ABCC11: variants seen among roughly 807,000 people sequenced by gnomAD.
ABCC11 encodes ATP binding cassette subfamily C member 11, also known as ATP-binding cassette sub-family C member 11.
In ABCC11, 135 loss-of-function variants were observed where a neutral mutation model predicts 149.3. The observed-to-expected ratio is 0.90, with a 90% confidence interval of 0.79 to 1.04. The LOEUF is 1.04. ABCC11 is among the 50% of genes least tolerant of loss of function. The pLI is 0.00. For synonymous variants in ABCC11, 665 were observed against 671.4 expected, an observed-to-expected ratio of 0.99 and a Z score of 0.15; for missense variants, 1,680 against 1,722.1, an observed-to-expected ratio of 0.98 and a Z score of 0.43.
intron 4 of ABCC11, among the ~76,000 whole-genome samples, chr16:48,226,271 CTT>C (rs34235862): frequency 4.2e-5 from 5 of 119,504 alleles, no homozygotes; most frequent in African/African-American, 9.4e-5. Context: ...TTATGATCCA[CTT>C]TTTTTTTTTT....
At chr16:48,171,004 C>T in intron 26 of ABCC11, 37 bp from the exon 27 acceptor site, 1 of 1,529,366 alleles carries the variant, frequency 6.5e-7, no homozygotes, top group Non-Finnish European at 9.1e-7. Flanking sequence ...TCAACAACAT[C>T]ACCCAGGCTT....
intron 24 of ABCC11, 99 bp from the exon 25 acceptor site, chr16:48,177,212 C>T: frequency 4.1e-6 from 5 of 1,233,394 alleles, no homozygotes; most frequent in Non-Finnish European, 5.6e-6. Flanking sequence ...GTGTGACCCA[C>T]CCCAGCCTGC....
intron 24 of ABCC11, among the ~76,000 whole-genome samples, chr16:48,177,558 G>A (rs940392681): frequency 1.3e-5 from 2 of 152,186 alleles, no homozygotes; most frequent in African/African-American, 4.8e-5. Context: ...AACAACTTAA[G>A]ATCAACAACT....
At chr16:48,184,732 C>A in intron 22 of ABCC11, 106 bp from the exon 23 acceptor site, 1 of 1,164,404 alleles carries the variant, frequency 8.6e-7, no homozygotes, top group South Asian at 1.6e-5. Context: ...TTCCCCACTC[C>A]CAGCAGCAGG....
At chr16:48,191,955 A>G (rs1010560027) in intron 20 of ABCC11, among the ~76,000 whole-genome samples, 6 of 152,164 alleles carry the variant, frequency 3.9e-5, no homozygotes, top group African/African-American at 1.4e-4. Flanking sequence ...GTGCACATGT[A>G]CCCTAAAACT....
chr16:48,172,912 C>A (rs1965811825), intron 26 of ABCC11, among the ~76,000 whole-genome samples: 1 of 152,226 alleles, frequency 6.6e-6, no homozygotes, highest in East Asian at 1.9e-4. Flanking sequence ...ACTATAGACA[C>A]TTCCCTGCTA....
At position 48,240,025 on chromosome 16, in the gene ABCC11, T is replaced by C. The variant is rs1970884903; in HGVS notation, c.-19+7289A>G. ...CAATTATTAAAAAGTCAAGAAACAA[T>C]AGATGCTGGCGAGGTTGCAGAGAAA... is the stretch of plus-strand genomic sequence containing the variant. On this transcript the variant is annotated intron_variant, in intron 1 of 29. Coordinates refer to ENST00000356608, the MANE Select transcript of ABCC11 (RefSeq NM_001370497.1). 4.6e-5 allele frequency among the ~76,000 whole-genome samples: 7 copies of C among 152,092 alleles called. 1 individual carries two copies. In the South Asian group the frequency reaches 1.5e-3, roughly 32 times the overall value.
rs760880657 is a variant in ABCC11 at position 48,194,002 on chromosome 16, G to A, written c.2405-20C>T. ...TGTAACCTGGGAGGGAGACAGTGGTGATGTACAAGTGCCACAAACAGGTGC... is the reference window on the plus strand; with the variant it reads ...TGTAACCTGGGAGGGAGACAGTGGTAATGTACAAGTGCCACAAACAGGTGC... On this transcript the variant is annotated intron_variant, in intron 18 of 29. Transcript: ENST00000356608. 20 of 1,575,530 alleles carry A rather than the reference G, an allele frequency of 1.3e-5. No homozygotes were observed. Among genetic ancestry groups the A allele is most frequent in the Non-Finnish European group, 1.6e-5 (18 of 1,145,770 alleles).
Position 48,166,564 on chromosome 16 carries a change from A to C in ABCC11, c.*710T>G, listed in dbSNP as rs1965348981. On this transcript the variant is annotated 3_prime_UTR_variant, in exon 30 of 30. Coordinates refer to ENST00000356608, the MANE Select transcript of ABCC11 (RefSeq NM_001370497.1). ...AGTCTCTGTTCCTTGCAACTGAATA[A>C]GTACTAGCTAACGTAAAAAGCAGAA... Among the ~76,000 whole-genome samples the C allele has an allele frequency of 6.6e-6, 1 of 152,198 alleles. No homozygotes were observed. Among genetic ancestry groups the C allele is most frequent in the South Asian group, 2.1e-4 (1 of 4,836 alleles).
At chr16:48,182,562 G>A (rs558720545) in intron 23 of ABCC11, among the ~76,000 whole-genome samples, 3 of 152,252 alleles carry the variant, frequency 2.0e-5, no homozygotes, top group East Asian at 3.9e-4. Context: ...GGTGGATCAC[G>A]AGGTCAGGAG....
intron 2 of ABCC11, among the ~76,000 whole-genome samples, chr16:48,230,779 T>C (rs1454818696): frequency 1.3e-5 from 2 of 151,598 alleles, no homozygotes; most frequent in Non-Finnish European, 2.9e-5. Flanking sequence ...GCTGAGTGAG[T>C]CTGGCCCAGT....
At chr16:48,214,826 C>T (rs896664586) in intron 9 of ABCC11, 55 bp downstream of exon 9, 9 of 1,604,592 alleles carry the variant, frequency 5.6e-6, no homozygotes, top group South Asian at 2.2e-5. Context: ...AAAAAGGACA[C>T]GTGAGAAAAT....
chr16:48,174,451 A>G (rs1194786990), intron 26 of ABCC11, among the ~76,000 whole-genome samples: 3 of 152,248 alleles, frequency 2.0e-5, no homozygotes, highest in Non-Finnish European at 4.4e-5. Context: ...CATCTTCCTC[A>G]GTCCCCATGC....
intron 12 of ABCC11, among the ~76,000 whole-genome samples, chr16:48,206,063 G>C (rs141417971): frequency 6.6e-6 from 1 of 152,114 alleles, no homozygotes; most frequent in Admixed American, 6.5e-5. Context: ...GTCCGCCTCG[G>C]CCTCCCAAAG....
chr16:48,242,692 T>C (rs1245619329), intron 1 of ABCC11, among the ~76,000 whole-genome samples: 1 of 152,162 alleles, frequency 6.6e-6, no homozygotes, highest in East Asian at 1.9e-4. Context: ...GTGGCACATA[T>C]ACACCATGGA....
chr16:48,228,865 A>G (rs1313379192), intron 3 of ABCC11, among the ~76,000 whole-genome samples: 1 of 152,082 alleles, frequency 6.6e-6, no homozygotes, highest in Non-Finnish European at 1.5e-5. Context: ...ACCAAAAATG[A>G]CTAAATTAGG....
Position 48,197,594 on chromosome 16 carries a change from A to T in ABCC11, c.2314+377T>A, listed in dbSNP as rs148965763. 1.2e-4 allele frequency among the ~76,000 whole-genome samples: 18 copies of T among 152,312 alleles called. No individual in the cohort carries two copies. The East Asian group carries it at 3.3e-3, about 28-fold the overall frequency. ...TTCCAGACATCAGGGGCTAAACCCAATTCATTTCTGATCCCTAATACCTTT... is the reference window on the plus strand; with the variant it reads ...TTCCAGACATCAGGGGCTAAACCCATTTCATTTCTGATCCCTAATACCTTT... On this transcript the variant is annotated intron_variant, in intron 17 of 29. Transcript: ENST00000356608.
chr16:48,180,765 G>A (rs2150746492), intron 23 of ABCC11, among the ~76,000 whole-genome samples: 1 of 152,334 alleles, frequency 6.6e-6, no homozygotes, highest in African/African-American at 2.4e-5. Context: ...GAAGGCTTCT[G>A]AACGGGGCAG....
At chr16:48,224,198 G>T in intron 5 of ABCC11, 84 bp downstream of exon 5, 2 of 1,475,120 alleles carry the variant, frequency 1.4e-6, no homozygotes, top group East Asian at 2.3e-5. Flanking sequence ...CTAACTCCTG[G>T]CATGGACTTG....
Sources: gnomAD v4.1 joint callset for allele counts (sites outside exome capture counted in the v4.1 genomes callset) on GRCh38, gnomAD v4.1.1 for gene constraint, MANE v1.5 for transcripts, NCBI Gene and HGNC (gene_info 2026-07-23, HGNC 2026-07-21) for gene names.